The following PTPRZ1 variants were observed in gnomAD, a reference collection of about 807,000 sequenced individuals.
The protein encoded by PTPRZ1 is receptor-type tyrosine-protein phosphatase zeta.
In PTPRZ1, 82 loss-of-function variants were observed where a neutral mutation model predicts 214.1. The observed-to-expected ratio is 0.38, with a 90% CI of 0.32 to 0.46. The LOEUF (loss-of-function observed/expected upper bound fraction) is 0.46. Ranked by LOEUF, PTPRZ1 falls within the 20% of genes least tolerant of loss-of-function variation. The pLI is 1.00. For missense variants in PTPRZ1, 2,603 were observed against 2,748.7 expected, an observed-to-expected ratio of 0.95 and a Z score of 1.19; for synonymous variants, 945 against 987.9, an observed-to-expected ratio of 0.96 and a Z score of 0.81.
At chr7:122,005,676 G>C (rs532342267) in intron 11 of PTPRZ1, among the ~76,000 whole-genome samples, 2 of 151,774 alleles carry the variant, frequency 1.3e-5, no homozygotes, top group Non-Finnish European at 2.9e-5. Flanking sequence ...ACATACAAGC[G>C]ATCAACAGAA....
chr7:121,946,571 A>T (rs762710057), intron 2 of PTPRZ1, among the ~76,000 whole-genome samples: 2 of 152,204 alleles, frequency 1.3e-5, no homozygotes, highest in Non-Finnish European at 2.9e-5. Context: ...CAAAATAGGA[A>T]ACCTTGAGTT....
chr7:122,058,629 G>A (rs1207759002), intron 27 of PTPRZ1, among the ~76,000 whole-genome samples, 171 bp from the exon 28 acceptor site: 1 of 152,022 alleles, frequency 6.6e-6, no homozygotes, highest in African/African-American at 2.4e-5. Flanking sequence ...GTTAAATGTG[G>A]CATCACAACT....
At chr7:121,962,159 A>C (rs1287546003) in intron 2 of PTPRZ1, among the ~76,000 whole-genome samples, 1 of 152,172 alleles carries the variant, frequency 6.6e-6, no homozygotes, top group Non-Finnish European at 1.5e-5. Flanking sequence ...TCAAAAAAGT[A>C]ATGTTTAAGG....
Position 121,968,051 on chromosome 7 carries a change from G to A in PTPRZ1, c.225G>A (p.Val75=). The A allele has an allele frequency of 6.3e-7, 1 of 1,599,604 alleles. No homozygotes were observed. The highest frequency in any genetic ancestry group is 8.6e-7 in the Non-Finnish European group (1 of 1,169,170). The change falls in exon 3 of 30, where the codon GTG becomes GTA. Residue 75 remains valine, a synonymous_variant. Coordinates refer to ENST00000393386, the MANE Select transcript of PTPRZ1 (RefSeq NM_002851.3). ...ATGAAGATCTTACACAAGTAAATGT[G>A]AATCTTAAGAAACTTAAATTTCAGG... is the stretch of plus-strand genomic sequence containing the variant. ...NIDEDLTQVN[V]NLKKLKFQGW... is the part of the protein sequence containing the mutation.
intron 1 of PTPRZ1, among the ~76,000 whole-genome samples, chr7:121,927,753 G>T (rs139743132): frequency 6.6e-6 from 1 of 152,290 alleles, no homozygotes; most frequent in Non-Finnish European, 1.5e-5. Flanking sequence ...ATAAAACTTG[G>T]ATTGTAAACA....
At chr7:122,051,672 T>A in intron 24 of PTPRZ1, 151 bp downstream of exon 24, 1 of 846,370 alleles carries the variant, frequency 1.2e-6, no homozygotes, top group Non-Finnish European at 1.9e-6. Flanking sequence ...AAAGGACTCA[T>A]AAATCCTTGA....
At position 122,036,587 on chromosome 7, in the gene PTPRZ1, CTT is replaced by C; in HGVS notation, c.5285-11_5285-10del. 6.5e-7 allele frequency: 1 copy of C among 1,547,300 alleles called. No individual in the cohort carries two copies. The highest frequency in any genetic ancestry group is 8.9e-7 in the Non-Finnish European group (1 of 1,121,712). On this transcript the variant is annotated splice_polypyrimidine_tract_variant and intron_variant, in intron 17 of 29. Coordinates refer to ENST00000393386, the MANE Select transcript of PTPRZ1 (RefSeq NM_002851.3). Reference sequence around the variant, plus strand: ...TCTGTGCTACAATGAAATATATTCTCTTTATATTACAGATGATCATAGCAGGG... The same window carrying C: ...TCTGTGCTACAATGAAATATATTCTCTATATTACAGATGATCATAGCAGGG...
At chr7:121,948,884 C>T (rs1041065415) in intron 2 of PTPRZ1, among the ~76,000 whole-genome samples, 1 of 151,954 alleles carries the variant, frequency 6.6e-6, no homozygotes, top group African/African-American at 2.4e-5. Flanking sequence ...AGAACCCATG[C>T]ATTCTGAACA....
At chr7:122,010,204 A>G in intron 11 of PTPRZ1, 130 bp from the exon 12 acceptor site, 1 of 855,664 alleles carries the variant, frequency 1.2e-6, no homozygotes, top group East Asian at 2.6e-5. Context: ...TATGCATTGT[A>G]CAGAATGGTG....
intron 1 of PTPRZ1, among the ~76,000 whole-genome samples, chr7:121,916,001 C>T (rs916249677): frequency 6.6e-6 from 1 of 152,102 alleles, no homozygotes; most frequent in Admixed American, 6.5e-5. Flanking sequence ...TTTGGCCAGG[C>T]GCAGTGGCTC....
intron 10 of PTPRZ1, 49 bp downstream of exon 10, chr7:121,998,055 G>A: frequency 6.4e-7 from 1 of 1,560,430 alleles, no homozygotes; most frequent in East Asian, 2.3e-5. Context: ...AATGAGGTTA[G>A]TTTAATTACT....
chr7:121,875,448 G>T (rs553534458), intron 1 of PTPRZ1, among the ~76,000 whole-genome samples: 2 of 152,136 alleles, frequency 1.3e-5, no homozygotes, highest in Admixed American at 6.6e-5. Flanking sequence ...CATTTGCAAA[G>T]GTTTTTCTCT....
At chr7:121,934,264 C>T (rs966885705) in intron 2 of PTPRZ1, among the ~76,000 whole-genome samples, 1 of 152,032 alleles carries the variant, frequency 6.6e-6, no homozygotes, top group South Asian at 2.1e-4. Flanking sequence ...ACCGTAGCTT[C>T]GTGTAGTCAC....
chr7:121,884,323 C>G (rs1460203044), intron 1 of PTPRZ1, among the ~76,000 whole-genome samples: 4 of 151,820 alleles, frequency 2.6e-5, no homozygotes, highest in Non-Finnish European at 5.9e-5. Flanking sequence ...TATATACACA[C>G]CTAAATAAGG....
Position 122,011,365 on chromosome 7 carries a change from T to A in PTPRZ1, c.2319T>A (p.Pro773=). The A allele has an allele frequency of 6.2e-7, 1 of 1,614,082 alleles. No homozygotes were observed. The highest frequency in any genetic ancestry group is 8.5e-7 in the Non-Finnish European group (1 of 1,179,982). ...GTGAAGTCTTTCCTCTAGTCACCCCTTTGTTGCTTGACAATCAGATCCTCA... is the reference window on the plus strand; with the variant it reads ...GTGAAGTCTTTCCTCTAGTCACCCCATTGTTGCTTGACAATCAGATCCTCA... ...YSSEVFPLVT[P]LLLDNQILNT... The change falls in exon 12 of 30, where the codon CCT becomes CCA. Residue 773 remains proline (P), a synonymous_variant. Coordinates refer to ENST00000393386, the MANE Select transcript of PTPRZ1 (RefSeq NM_002851.3).
intron 8 of PTPRZ1, among the ~76,000 whole-genome samples, chr7:121,995,295 A>G (rs561562771): frequency 2.0e-5 from 3 of 152,154 alleles, no homozygotes; most frequent in African/African-American, 4.8e-5. Context: ...GCATGCTCTC[A>G]TTGAGTGGCT....
At chr7:121,877,498 A>G (rs568157008) in intron 1 of PTPRZ1, among the ~76,000 whole-genome samples, 4 of 152,252 alleles carry the variant, frequency 2.6e-5, no homozygotes, top group African/African-American at 9.6e-5. Context: ...CCATCTTGAA[A>G]GTTTTCACCG....
At chr7:121,910,825 T>C (rs1795250301) in intron 1 of PTPRZ1, among the ~76,000 whole-genome samples, 1 of 152,154 alleles carries the variant, frequency 6.6e-6, no homozygotes, top group Non-Finnish European at 1.5e-5. Flanking sequence ...AAAATATGAT[T>C]ATTTCTAAAA....
At chr7:121,931,770 G>A (rs937638503) in intron 2 of PTPRZ1, among the ~76,000 whole-genome samples, 1 of 152,168 alleles carries the variant, frequency 6.6e-6, no homozygotes, top group African/African-American at 2.4e-5. Context: ...GAGTGGCTAG[G>A]CTTTGACAGA....
Sources: gnomAD v4.1 joint callset for allele counts (sites outside exome capture counted in the v4.1 genomes callset) on GRCh38, gnomAD v4.1.1 for gene constraint, MANE v1.5 for transcripts, NCBI Gene and HGNC (gene_info 2026-07-23, HGNC 2026-07-21) for gene names.